ADAMTS13: variants seen among roughly 807,000 people sequenced by gnomAD.
ADAMTS13 encodes the protein A disintegrin and metalloproteinase with thrombospondin motifs 13.
A neutral mutation model predicts 155.1 loss-of-function variants in ADAMTS13; 110 were observed. The ratio of observed to expected loss-of-function variants is 0.71; its 90% confidence interval spans 0.61 to 0.83. The LOEUF (loss-of-function observed/expected upper bound fraction) is 0.83, where lower values mean the gene tolerates loss of function less well. Ranked by LOEUF, ADAMTS13 falls within the 40% of genes least tolerant of loss-of-function variation. The pLI is 0.00. For missense variants in ADAMTS13, 1,707 were observed against 1,891.7 expected (o/e 0.90, Z 1.81); for synonymous variants, 758 against 756.4 (o/e 1.00, Z -0.03).
At chr9:133,414,536 C>T (rs1554781036) in exon 1 of ADAMTS13, 1 of 860,476 alleles carries the variant, frequency 1.2e-6, no homozygotes, top group Non-Finnish European at 2.0e-6. Flanking sequence ...AGCGAGTAAA[C>T]AAAGGAACAG....
rs1300883719 is a variant in ADAMTS13, at chr9:133,429,946, C to T, written c.832C>T (p.Arg278Trp). The T allele has an allele frequency of 2.0e-6, 3 of 1,535,320 alleles. No individual in the cohort carries two copies. Among genetic ancestry groups the T allele is most frequent in the Admixed American group, 3.9e-5 (2 of 50,936 alleles). Residue 278 changes from arginine (R) to tryptophan (W), a missense_variant, in exon 8 of 29, where the codon CGG becomes TGG. By Grantham distance (101) the Arg-to-Trp change is moderately radical. This residue lies in a region of ADAMTS13 where 733 missense variants were observed against 749.6 expected (regional missense o/e 0.98). Coordinates refer to ENST00000355699, the MANE Select transcript of ADAMTS13 (RefSeq NM_139027.6). ...RQLLSLLSAG[R>W]ARCVWDPPRP... Reference sequence around the variant, plus strand: ...AGCCGGGCCTTGTCGCAGCGCAGGACGGGCGCGCTGCGTGTGGGACCCGCC... The same window carrying T: ...AGCCGGGCCTTGTCGCAGCGCAGGATGGGCGCGCTGCGTGTGGGACCCGCC...
In ADAMTS13 at chr9:133,440,161, C is replaced by T. The variant is rs951686233; in HGVS notation, c.1787-183C>T. Among the ~76,000 whole-genome samples the T allele has an allele frequency of 6.6e-6, 1 of 152,198 alleles. No individual in the cohort carries two copies. Among genetic ancestry groups the T allele is most frequent in the Admixed American group, 6.5e-5 (1 of 15,290 alleles). On this transcript the variant is annotated intron_variant, in intron 15 of 28. Transcript: ENST00000355699. The surrounding 1 kb of genome is among the most constrained non-coding windows in gnomAD (Gnocchi z 4.3). ...AGTTCTGTGCGTGAGTGCACTTGGTCATAGCACTCACCAGGTTGTGGAAAG... is the reference window on the plus strand; with the variant it reads ...AGTTCTGTGCGTGAGTGCACTTGGTTATAGCACTCACCAGGTTGTGGAAAG...
rs939683603 is a variant in ADAMTS13, at chr9:133,456,288, C to T, written c.3547+73C>T. ...AGGAGCCAGCACGACGCTGCATGCC[C>T]CATTCCTGGCAGGAGCCCATGTGCA... On this transcript the variant is annotated intron_variant, in intron 26 of 28. Coordinates refer to ENST00000355699, the MANE Select transcript of ADAMTS13 (RefSeq NM_139027.6). This position sits in a 1 kb window ranked among gnomAD's most constrained non-coding sequence, Gnocchi z 4.4. 1.2e-6 allele frequency: 2 copies of T among 1,604,286 alleles called. No homozygotes were observed. Among genetic ancestry groups the T allele is most frequent in the East Asian group, 4.5e-5 (2 of 44,650 alleles).
chr9:133,457,037 A>G, intron 27 of ADAMTS13: 2 of 418,866 alleles, frequency 4.8e-6, no homozygotes, highest in South Asian at 2.0e-5. Context: ...CCAGCCTTTC[A>G]AGGGCTTTTA....
At chr9:133,417,613 G>A (rs1554781919), upstream of ADAMTS13, 1 of 1,612,786 alleles carries the variant, frequency 6.2e-7, no homozygotes, top group Non-Finnish European at 8.5e-7. Context: ...GCCCCCTCAA[G>A]CCTCACCTCT....
upstream of ADAMTS13, among the ~76,000 whole-genome samples, chr9:133,419,251 C>T (rs1839846557): frequency 6.6e-6 from 1 of 152,186 alleles, no homozygotes; most frequent in Admixed American, 6.5e-5. Flanking sequence ...CATTTATCAT[C>T]TCAATAAATG....
chr9:133,428,665 AGCGGCT>A lies in ADAMTS13; in HGVS notation c.724_729del (p.Cys242_Gly243del). 4 of 1,344,332 alleles carry A rather than the reference AGCGGCT, an allele frequency of 3.0e-6. No homozygotes were observed. Among genetic ancestry groups the A allele is most frequent in the Non-Finnish European group, 3.8e-6 (4 of 1,043,160 alleles). 83.3% of individuals were successfully genotyped at this position (1,344,332 alleles called of 1,614,324 possible). On this transcript the variant is annotated inframe_deletion, in exon 7 of 29. Transcript: ENST00000355699. ...CCTGGAGCACGACGGCGCGCCCGGC[AGCGGCT>A]GCGGCCCCAGCGGACACGTGATGGC...
In ADAMTS13 at chr9:133,424,212, C is replaced by T; in HGVS notation, c.173-109C>T. On this transcript the variant is annotated intron_variant, in intron 2 of 28. Coordinates refer to ENST00000355699, the MANE Select transcript of ADAMTS13 (RefSeq NM_139027.6). This position sits in a 1 kb window ranked among gnomAD's most constrained non-coding sequence, Gnocchi z 4.3. Reference sequence around the variant, plus strand: ...TTGGGGTGGGGGTGACACGCAATGTCTTGACTTCGGAAGGCCATCCTTCCA... The same window carrying T: ...TTGGGGTGGGGGTGACACGCAATGTTTTGACTTCGGAAGGCCATCCTTCCA... 1.9e-6 allele frequency: 3 copies of T among 1,554,754 alleles called. No individual in the cohort carries two copies. In the East Asian group the frequency reaches 6.7e-5, roughly 35 times the overall value.
At position 133,425,456 on chromosome 9, in the gene ADAMTS13, C is replaced by T; in HGVS notation, c.331-73C>T. The T allele has an allele frequency of 1.4e-6, 2 of 1,436,912 alleles. No individual in the cohort carries two copies. The highest frequency in any genetic ancestry group is 1.9e-6 in the Non-Finnish European group (2 of 1,043,556). 89.0% of individuals were successfully genotyped at this position (1,436,912 alleles called of 1,614,324 possible). ...CCAGCTCTTCACACTCCGGGGGCCC[C>T]TGGGAGTCAGCAGCTGCCTGGGGCT... is the stretch of plus-strand genomic sequence containing the variant. On this transcript the variant is annotated intron_variant, in intron 3 of 28. Coordinates refer to ENST00000355699, the MANE Select transcript of ADAMTS13 (RefSeq NM_139027.6). This position sits in a 1 kb window ranked among gnomAD's most constrained non-coding sequence, Gnocchi z 4.6.
upstream of ADAMTS13, chr9:133,417,517 A>C: frequency 8.2e-7 from 1 of 1,218,694 alleles, no homozygotes; most frequent in Non-Finnish European, 1.2e-6. Flanking sequence ...TTCGATTCAA[A>C]TCTGCCTTTA....
upstream of ADAMTS13, chr9:133,417,801 C>G: frequency 6.2e-7 from 1 of 1,607,450 alleles, no homozygotes; most frequent in Non-Finnish European, 8.5e-7. Flanking sequence ...AGCCACGGGG[C>G]TGCTCGGGGC....
intron 14 of ADAMTS13, 103 bp from the exon 15 acceptor site, chr9:133,439,263 A>G (rs1399274608): frequency 3.3e-6 from 3 of 912,410 alleles, no homozygotes; most frequent in South Asian, 1.3e-5. Context: ...AGCCAGCCCC[A>G]TGGCATTGTT....
rs1396267465 is a variant in ADAMTS13, at chr9:133,456,748, G to C, written c.3724+29G>C. On this transcript the variant is annotated intron_variant, in intron 27 of 28. Transcript: ENST00000355699. This position sits in a 1 kb window ranked among gnomAD's most constrained non-coding sequence, Gnocchi z 4.4. ...TGGCCAGGCCTTCTCCACCTCCCTT[G>C]GGTGCTCCAGTCCTGGCAGGGAGGC... 25 of 1,551,564 alleles carry C rather than the reference G, an allele frequency of 1.6e-5. No individual in the cohort carries two copies. The highest frequency in any genetic ancestry group is 2.1e-5 in the Non-Finnish European group (24 of 1,147,196).
Position 133,443,559 on chromosome 9 carries a change from CAGGTGAGCCCAGGGCT to C in ADAMTS13, c.2420+4_2420+19del. Reference sequence around the variant, plus strand: ...CCTGCAACCCCCAGCCCTGCCCTGCCAGGTGAGCCCAGGGCTAGGTGGGGCTGGGAGAGGGCCTTCC... The same window carrying C: ...CCTGCAACCCCCAGCCCTGCCCTGCCAGGTGGGGCTGGGAGAGGGCCTTCC... On this transcript the variant is annotated splice_donor_variant and splice_donor_5th_base_variant and coding_sequence_variant and intron_variant, in exon 19 of 29. Transcript: ENST00000355699. LOFTEE classifies it high-confidence loss of function. 6.5e-6 allele frequency: 10 copies of C among 1,544,510 alleles called. No individual in the cohort carries two copies. The highest frequency in any genetic ancestry group is 8.7e-6 in the Non-Finnish European group (10 of 1,150,730).
intron 11 of ADAMTS13, among the ~76,000 whole-genome samples, chr9:133,435,911 G>A (rs1410500918): frequency 6.6e-6 from 1 of 151,704 alleles, no homozygotes; most frequent in Admixed American, 6.6e-5. Context: ...ATTGCGCCAG[G>A]GTTCCAGTTT....
At chr9:133,449,321 C>G (rs1339513172) in intron 22 of ADAMTS13, among the ~76,000 whole-genome samples, 2 of 151,934 alleles carry the variant, frequency 1.3e-5, no homozygotes, top group Non-Finnish European at 2.9e-5. Context: ...TGTCCCTGAC[C>G]TCCTGGAGCA....
In ADAMTS13 at chr9:133,425,664, C is replaced by T. The variant is rs1554785033; in HGVS notation, c.414+52C>T. 2 of 1,569,136 alleles carry T rather than the reference C, an allele frequency of 1.3e-6. No individual in the cohort carries two copies. Among genetic ancestry groups the T allele is most frequent in the Non-Finnish European group, 1.7e-6 (2 of 1,147,738 alleles). ...ACCATACAGAGCGGGAAGCCCAAGT[C>T]ATCGCATCTCCATCCTCTTTAACCT... On this transcript the variant is annotated intron_variant, in intron 4 of 28. Coordinates refer to ENST00000355699, the MANE Select transcript of ADAMTS13 (RefSeq NM_139027.6). The surrounding 1 kb of genome is among the most constrained non-coding windows in gnomAD (Gnocchi z 4.6).
Position 133,440,205 on chromosome 9 carries a change from G to T in ADAMTS13, c.1787-139G>T. The T allele has an allele frequency of 9.5e-7, 1 of 1,047,804 alleles. No individual in the cohort carries two copies. 64.9% of individuals were successfully genotyped at this position (1,047,804 alleles called of 1,614,324 possible). A position where few individuals can be genotyped will look rare whatever the true frequency, so the allele number is the denominator to read the frequency against. ...TGGAAAGAGGCCTAGAGCCTCCGCT[G>T]TGGGGAAGCCTCTAGCTCAGATGCC... On this transcript the variant is annotated intron_variant, in intron 15 of 28. Coordinates refer to ENST00000355699, the MANE Select transcript of ADAMTS13 (RefSeq NM_139027.6). This position sits in a 1 kb window ranked among gnomAD's most constrained non-coding sequence, Gnocchi z 4.3.
rs782547718 is a variant in ADAMTS13 at position 133,440,478 on chromosome 9, G to A, written c.1921G>A (p.Glu641Lys). The A allele has an allele frequency of 1.2e-5, 20 of 1,612,904 alleles. No homozygotes were observed. In the South Asian group the frequency reaches 2.2e-4, roughly 18 times the overall value. Reference protein sequence around the residue: ...ALTEDRLPRLEEIRIWGPLQE... With the variant: ...ALTEDRLPRLKEIRIWGPLQE... The stretch of plus-strand genomic sequence containing the variant: ...CACCGAGGACCGGCTGCCCCGCCTG[G>A]AGGAGATCCGCATCTGGGGACCCCT... Residue 641 changes from glutamate to lysine, a missense_variant, in exon 16 of 29, where the codon GAG becomes AAG. Coordinates refer to ENST00000355699, the MANE Select transcript of ADAMTS13 (RefSeq NM_139027.6). The surrounding 1 kb of genome is among the most constrained non-coding windows in gnomAD (Gnocchi z 4.3).
Sources: allele counts gnomAD v4.1 joint callset (sites outside exome capture counted in the v4.1 genomes callset), GRCh38; gene constraint gnomAD v4.1.1; regional missense constraint gnomAD v4.1.1; non-coding constraint Gnocchi (gnomAD v3.1); transcripts MANE v1.5; gene names NCBI Gene and HGNC (gene_info 2026-07-23, HGNC 2026-07-21).